Variants in BMPR2 observed in about 807,000 individuals in gnomAD.
BMPR2 encodes bone morphogenetic protein receptor type 2, also known as bone morphogenetic protein receptor type-2.
Under a neutral mutation model 100.8 loss-of-function variants are expected in BMPR2, and 29 were observed. The ratio of observed to expected loss-of-function variants is 0.29; its 90% CI spans 0.21 to 0.39. The LOEUF is 0.39. BMPR2 is among the 10% of genes least tolerant of loss of function. The pLI is 1.00. For synonymous variants in BMPR2, 382 were observed against 442.3 expected, an observed-to-expected ratio of 0.86 and a Z score of 1.71; for missense variants, 1,011 against 1,274.5, an observed-to-expected ratio of 0.79 and a Z score of 3.15.
In BMPR2 at chr2:202,377,305, T is replaced by C; in HGVS notation, c.-170T>C. On this transcript the variant is annotated 5_prime_UTR_variant, in exon 1 of 13. It removes an upstream start codon present in the reference 5' UTR. Coordinates refer to ENST00000374580, the MANE Select transcript of BMPR2 (RefSeq NM_001204.7). ...AATGAAGGGAATTTCTGCAGCGGCA[T>C]GAAAGCTCTGCAGCTAGGTCCTCTC... The C allele has an allele frequency of 4.3e-6, 3 of 703,364 alleles. No homozygotes were observed. Among genetic ancestry groups the C allele is most frequent in the Non-Finnish European group, 7.8e-6 (3 of 385,140 alleles). The allele number at this position is 703,364 out of a possible 1,614,324, so 43.6% of individuals were successfully genotyped here.
At chr2:202,517,355 T>TAA (rs1687730867) in intron 5 of BMPR2, among the ~76,000 whole-genome samples, 1 of 146,146 alleles carries the variant, frequency 6.8e-6, no homozygotes, top group Non-Finnish European at 1.5e-5. Context: ...TTTTTTTTAC[T>TAA]CTGTCATCCA....
chr2:202,556,293 A>T lies in BMPR2; in HGVS notation c.2628A>T (p.Gln876His), dbSNP rs1465310729. Residue 876 changes from glutamine to histidine, a missense_variant, in exon 12 of 13, where the codon CAA (glutamine) becomes CAT (histidine). Gln to His is a conservative substitution (Grantham distance 24). This residue lies in a region of BMPR2 where 508 missense variants were observed against 552.0 expected (regional missense o/e 0.92). Coordinates refer to ENST00000374580, the MANE Select transcript of BMPR2 (RefSeq NM_001204.7). ...AGCCTTTACTGAGACGAGAGCAACA[A>T]GCTGGCCATGATGAAGGTGTTCTGG... ...EHEPLLRREQ[Q>H]AGHDEGVLDR... 1.2e-6 allele frequency: 2 copies of T among 1,614,252 alleles called. No homozygotes were observed. Among genetic ancestry groups the T allele is most frequent in the South Asian group, 2.2e-5 (2 of 91,084 alleles).
intron 1 of BMPR2, among the ~76,000 whole-genome samples, chr2:202,387,563 A>G (rs1690455050): frequency 6.6e-6 from 1 of 152,244 alleles, no homozygotes; most frequent in South Asian, 2.1e-4. Flanking sequence ...TCATGCCAGA[A>G]TAATTGTCCA....
chr2:202,397,440 T>G (rs1372052184), intron 1 of BMPR2, among the ~76,000 whole-genome samples: 1 of 152,036 alleles, frequency 6.6e-6, no homozygotes, highest in Admixed American at 6.6e-5. Context: ...GTCTCTGGTT[T>G]CAATATTTTG....
intron 5 of BMPR2, among the ~76,000 whole-genome samples, chr2:202,517,221 TAA>T (rs757696369): frequency 8.5e-5 from 11 of 130,114 alleles, no homozygotes; most frequent in African/African-American, 5.7e-5. Flanking sequence ...CTATCTCAAT[TAA>T]AAAAAAAAAA....
At chr2:202,489,751 A>G (rs1692859737) in intron 3 of BMPR2, among the ~76,000 whole-genome samples, 4 of 152,226 alleles carry the variant, frequency 2.6e-5, no homozygotes, top group Non-Finnish European at 5.9e-5. Flanking sequence ...AATTTTGTCT[A>G]CAATTGTGAG....
chr2:202,433,830 C>T (rs1173778962), intron 1 of BMPR2, among the ~76,000 whole-genome samples: 1 of 150,352 alleles, frequency 6.7e-6, no homozygotes, highest in Non-Finnish European at 1.5e-5. Flanking sequence ...ATTGCTTGAA[C>T]CCGGGAGGCA....
chr2:202,407,924 C>T (rs1327626536), intron 1 of BMPR2, among the ~76,000 whole-genome samples: 3 of 151,558 alleles, frequency 2.0e-5, no homozygotes, highest in African/African-American at 4.8e-5. Flanking sequence ...AGCTCCGCCT[C>T]CCAGGTTCAC....
chr2:202,495,215 G>A lies in BMPR2; in HGVS notation c.419-18504G>A, dbSNP rs192291038. Among the ~76,000 whole-genome samples, 122 of 152,312 alleles carry A rather than the reference G, an allele frequency of 8.0e-4. No homozygotes were observed. Among genetic ancestry groups the A allele is most frequent in the Non-Finnish European group, 1.5e-3 (100 of 68,034 alleles). On this transcript the variant is annotated intron_variant, in intron 3 of 12. Coordinates refer to ENST00000374580, the MANE Select transcript of BMPR2 (RefSeq NM_001204.7). This position sits in a 1 kb window ranked among gnomAD's most constrained non-coding sequence, Gnocchi z 4.5. ...CAGGGTTTCCTGCCTTGGTGTACGG[G>A]AAGAGTCGGCTCACACCTGGGCTTG...
At chr2:202,417,158 A>T (rs1476106413) in intron 1 of BMPR2, among the ~76,000 whole-genome samples, 1 of 151,370 alleles carries the variant, frequency 6.6e-6, no homozygotes, top group African/African-American at 2.4e-5. Flanking sequence ...CTTTTTTGAA[A>T]TGGAGTCTCC....
chr2:202,377,152 A>G lies in BMPR2; in HGVS notation c.-323A>G. On this transcript the variant is annotated 5_prime_UTR_variant, in exon 1 of 13. Coordinates refer to ENST00000374580, the MANE Select transcript of BMPR2 (RefSeq NM_001204.7). ...CCTGGATATTTTTTTGATATCGTGA[A>G]ACTACGAGGGAAATAATTTGGGGGA... 1.7e-6 allele frequency: 1 copy of G among 583,680 alleles called. No homozygotes were observed. Among genetic ancestry groups the G allele is most frequent in the Non-Finnish European group, 3.0e-6 (1 of 328,568 alleles). The allele number at this position is 583,680 out of a possible 1,614,324, so 36.2% of individuals were successfully genotyped here.
intron 3 of BMPR2, among the ~76,000 whole-genome samples, chr2:202,499,858 A>C (rs1324985930): frequency 6.6e-6 from 1 of 152,222 alleles, no homozygotes; most frequent in Non-Finnish European, 1.5e-5. Context: ...GCCCTCAGAC[A>C]AACAAACCTT....
In BMPR2 at chr2:202,566,563, G is replaced by C. The variant is rs1688766211; in HGVS notation, c.*6617G>C. On this transcript the variant is annotated 3_prime_UTR_variant, in exon 13 of 13. Coordinates refer to ENST00000374580, the MANE Select transcript of BMPR2 (RefSeq NM_001204.7). ...AAACGACTTACATTTCTGTTCTTTG[G>C]TCAAATGACCATACATGATATGGGA... The C allele has an allele frequency of 6.6e-6, 1 of 152,116 alleles. No homozygotes were observed. The allele number at this position is 152,116 out of a possible 1,614,324, so 9.4% of individuals were successfully genotyped here. A position where few individuals can be genotyped will look rare whatever the true frequency, so the allele number is the denominator to read the frequency against.
rs1019740810 is a variant in BMPR2 at position 202,532,393 on chromosome 2, G to A, written c.1129-192G>A. ...ATTGATTAATAGTATTCACTAAAAT[G>A]GATTTACCACAGTTTACTTATTCAG... On this transcript the variant is annotated intron_variant, in intron 8 of 12. Transcript: ENST00000374580. This position sits in a 1 kb window ranked among gnomAD's most constrained non-coding sequence, Gnocchi z 4.1. Among the ~76,000 whole-genome samples, 1 of 152,108 alleles carries A rather than the reference G, an allele frequency of 6.6e-6. No homozygotes were observed. Among genetic ancestry groups the A allele is most frequent in the African/African-American group, 2.4e-5 (1 of 41,420 alleles).
At chr2:202,550,976 A>ATTTTTTTT (rs1559072688) in intron 10 of BMPR2, among the ~76,000 whole-genome samples, 1 of 41,946 alleles carries the variant, frequency 2.4e-5, no homozygotes, top group African/African-American at 1.0e-4. Context: ...TTTTTTTTTG[A>ATTTTTTTT]GCCAGAGCCT....
chr2:202,413,648 T>A (rs1182295276), intron 1 of BMPR2, among the ~76,000 whole-genome samples: 1 of 151,836 alleles, frequency 6.6e-6, no homozygotes, highest in East Asian at 1.9e-4. Flanking sequence ...CATTATATAT[T>A]AAAAATGTTA....
chr2:202,414,751 T>A (rs371063682), intron 1 of BMPR2, among the ~76,000 whole-genome samples: 1 of 152,116 alleles, frequency 6.6e-6, no homozygotes, highest in Non-Finnish European at 1.5e-5. Flanking sequence ...CTTGTTTTTT[T>A]CTTTTGGAGA....
chr2:202,417,210 C>T (rs1195916713), intron 1 of BMPR2, among the ~76,000 whole-genome samples: 1 of 152,166 alleles, frequency 6.6e-6, no homozygotes, highest in Non-Finnish European at 1.5e-5. Flanking sequence ...GATCTTGGCT[C>T]ACTGCAACCT....
intron 3 of BMPR2, among the ~76,000 whole-genome samples, chr2:202,487,177 C>T (rs570525547): frequency 6.6e-6 from 1 of 152,106 alleles, no homozygotes; most frequent in South Asian, 2.1e-4. Context: ...CATATGTAAG[C>T]CTATGAAGCT....
Sources: allele counts gnomAD v4.1 joint callset (sites outside exome capture counted in the v4.1 genomes callset), GRCh38; gene constraint gnomAD v4.1.1; regional missense constraint gnomAD v4.1.1; non-coding constraint Gnocchi (gnomAD v3.1); transcripts MANE v1.5; gene names NCBI Gene and HGNC (gene_info 2026-07-23, HGNC 2026-07-21).